Variants in ZNF845 observed in about 807,000 individuals in gnomAD.
ZNF845 encodes zinc finger protein 845.
ZNF845 carries 59 observed loss-of-function variants against 76.1 expected under a neutral mutation model. The observed-to-expected ratio is 0.78, with a 90% CI of 0.63 to 0.96. ZNF845 has a LOEUF of 0.96. Ranked by LOEUF, ZNF845 falls within the 40% of genes least tolerant of loss-of-function variation. ZNF845 has a pLI of 0.00. For missense variants in ZNF845, 1,045 were observed against 1,172.8 expected (o/e 0.89, Z 1.59); for synonymous variants, 361 against 386.9 (o/e 0.93, Z 0.78).
In ZNF845 at chr19:53,354,124, C is replaced by G; in HGVS notation, c.*536C>G. 1.7e-6 allele frequency: 1 copy of G among 598,958 alleles called. No individual in the cohort carries two copies. Among genetic ancestry groups the G allele is most frequent in the Non-Finnish European group, 3.0e-6 (1 of 329,642 alleles). The allele number at this position is 598,958 out of a possible 1,614,324, so 37.1% of individuals were successfully genotyped here. On this transcript the variant is annotated 3_prime_UTR_variant, in exon 4 of 4. Coordinates refer to ENST00000458035, the MANE Select transcript of ZNF845 (RefSeq NM_138374.3). ...TGCAGCAAAGCCTTTACTTCACGTTCACACCTAATTAGACATCAGAGAATC... is the reference window on the plus strand; with the variant it reads ...TGCAGCAAAGCCTTTACTTCACGTTGACACCTAATTAGACATCAGAGAATC...
chr19:53,341,379 C>G (rs371644399), intron 2 of ZNF845, 57 bp downstream of exon 2: 107 of 1,610,274 alleles, frequency 6.6e-5, no homozygotes, highest in Admixed American at 1.3e-4. Context: ...AATCCTGGGC[C>G]TTGGAGTTGG....
Position 53,353,690 on chromosome 19 carries a change from A to G in ZNF845, c.*102A>G. 2.6e-6 allele frequency: 4 copies of G among 1,526,714 alleles called. No homozygotes were observed. The highest frequency in any genetic ancestry group is 3.5e-6 in the Non-Finnish European group (4 of 1,141,580). The allele number at this position is 1,526,714 out of a possible 1,614,324, so 94.6% of individuals were successfully genotyped here. ...GCTTACAAATGTAAGAGTTTGTGAC[A>G]AGAATCTTGGGCGTGATTCACACCT... On this transcript the variant is annotated 3_prime_UTR_variant, in exon 4 of 4. Coordinates refer to ENST00000458035, the MANE Select transcript of ZNF845 (RefSeq NM_138374.3).
chr19:53,350,595 T>A (rs962390565), intron 3 of ZNF845, among the ~76,000 whole-genome samples: 1 of 152,220 alleles, frequency 6.6e-6, no homozygotes, highest in African/African-American at 2.4e-5. Context: ...GTGCTGTCAG[T>A]GTTTTGACAT....
At chr19:53,343,847 G>A (rs2085274372) in intron 2 of ZNF845, among the ~76,000 whole-genome samples, 1 of 151,964 alleles carries the variant, frequency 6.6e-6, no homozygotes, top group African/African-American at 2.4e-5. Context: ...TTGAGACTGG[G>A]TGTCACTGTG....
Position 53,352,825 on chromosome 19 carries a change from A to G in ZNF845, c.2150A>G (p.Lys717Arg). Residue 717 changes from lysine (K) to arginine (R), a missense_variant, in exon 4 of 4, where the codon AAA (lysine) becomes AGA (arginine). Lys to Arg is a conservative substitution (Grantham distance 26). Transcript: ENST00000458035. Reference protein sequence around the residue: ...IIHKAIHTGEKPYKCNECGKA... With the variant: ...IIHKAIHTGERPYKCNECGKA... Reference sequence around the variant, plus strand: ...CACAAGGCAATTCATACTGGAGAGAAACCTTACAAGTGTAATGAGTGTGGC... The same window carrying G: ...CACAAGGCAATTCATACTGGAGAGAGACCTTACAAGTGTAATGAGTGTGGC... 6 of 1,614,114 alleles carry G rather than the reference A, an allele frequency of 3.7e-6. No individual in the cohort carries two copies. The highest frequency in any genetic ancestry group is 5.1e-6 in the Non-Finnish European group (6 of 1,180,002).
intron 3 of ZNF845, among the ~76,000 whole-genome samples, chr19:53,348,786 C>T (rs1249922630): frequency 6.6e-6 from 1 of 151,256 alleles, no homozygotes; most frequent in African/African-American, 2.4e-5. Flanking sequence ...TGCTGTATTG[C>T]CTGGCTGTTT....
At position 53,353,164 on chromosome 19, in the gene ZNF845, C is replaced by T. The variant is rs781517909; in HGVS notation, c.2489C>T (p.Pro830Leu). ...IHKAIHSGEK[P>L]YKCNECGKTF... ...AAGGCAATTCATAGTGGAGAGAAAC[C>T]TTACAAGTGTAATGAGTGTGGCAAG... Residue 830 changes from proline (P) to leucine (L), a missense_variant, in exon 4 of 4, where the codon CCT becomes CTT. Physicochemically the swap from Pro to Leu is moderately conservative, Grantham distance 98. Transcript: ENST00000458035. 1.9e-5 allele frequency: 30 copies of T among 1,612,970 alleles called. No homozygotes were observed. In the Admixed American group the frequency reaches 4.0e-4, roughly 22 times the overall value.
At chr19:53,337,632 A>ACG (rs2085224941) in intron 1 of ZNF845, among the ~76,000 whole-genome samples, 3 of 151,970 alleles carry the variant, frequency 2.0e-5, no homozygotes, top group African/African-American at 7.3e-5. Context: ...GCAGTGGCGT[A>ACG]ATCATGGTTC....
intron 3 of ZNF845, 130 bp from the exon 4 acceptor site, chr19:53,350,688 G>A (rs928148538): frequency 1.2e-4 from 154 of 1,244,192 alleles, no homozygotes; most frequent in Middle Eastern, 4.2e-4. Context: ...ACCCTTTTGC[G>A]TTCCTAAACT....
chr19:53,343,138 T>C (rs1365173655), intron 2 of ZNF845, among the ~76,000 whole-genome samples: 2 of 152,150 alleles, frequency 1.3e-5, no homozygotes, highest in Admixed American at 6.6e-5. Context: ...TATTTTCTTC[T>C]AGTCCTCTCC....
chr19:53,350,672 A>G, intron 3 of ZNF845, 146 bp from the exon 4 acceptor site: 2 of 1,084,610 alleles, frequency 1.8e-6, no homozygotes, highest in Admixed American at 3.0e-5. Flanking sequence ...TTTATTGATG[A>G]ATCTTACCCT....
rs145609257 is a variant in ZNF845, at chr19:53,350,309, A to G, written c.143-509A>G. ...CCACCACGCCTTGCTTAATTTTGTA[A>G]TGTTTTCTTATCTTCTCAGTGCTAT... On this transcript the variant is annotated intron_variant, in intron 3 of 3. Transcript: ENST00000458035. Among the ~76,000 whole-genome samples the G allele has an allele frequency of 3.3e-5, 5 of 152,086 alleles. No individual in the cohort carries two copies. The East Asian group carries it at 7.8e-4, about 24-fold the overall frequency.
At position 53,352,146 on chromosome 19, in the gene ZNF845, G is replaced by A; in HGVS notation, c.1471G>A (p.Gly491Arg). The change falls in exon 4 of 4, where the codon GGA becomes AGA. Residue 491 changes from glycine (G) to arginine (R), a missense_variant. Gly to Arg is a moderately radical substitution (Grantham distance 125). Transcript: ENST00000458035. ...SLVYHRRLHT[G>R]EKPYKCEECD... ...TGTATACCATCGTAGACTTCATACT[G>A]GAGAGAAACCTTACAAATGTGAAGA... is the stretch of plus-strand genomic sequence containing the variant. The A allele has an allele frequency of 1.2e-6, 2 of 1,613,990 alleles. No homozygotes were observed. Among genetic ancestry groups the A allele is most frequent in the Non-Finnish European group, 1.7e-6 (2 of 1,179,944 alleles).
intron 3 of ZNF845, among the ~76,000 whole-genome samples, chr19:53,347,728 T>C (rs940309405): frequency 6.6e-6 from 1 of 152,242 alleles, no homozygotes; most frequent in Non-Finnish European, 1.5e-5. Context: ...TTCCTGTTCC[T>C]GTCTCAGTCA....
At chr19:53,338,722 GCA>G (rs796073363) in intron 1 of ZNF845, among the ~76,000 whole-genome samples, 22,374 of 124,506 alleles carry the variant, frequency 0.18, 2,006 homozygotes, top group Middle Eastern at 0.23. Context: ...ACACACACAC[GCA>G]CACACACACT....
At chr19:53,345,782 A>C in intron 3 of ZNF845, 150 bp downstream of exon 3, 2 of 1,491,606 alleles carry the variant, frequency 1.3e-6, no homozygotes, top group East Asian at 2.3e-5. Flanking sequence ...TCCTGGGCTC[A>C]TGTGATTGTC....
At chr19:53,336,191 G>T (rs576706180) in intron 1 of ZNF845, among the ~76,000 whole-genome samples, 1 of 143,322 alleles carries the variant, frequency 7.0e-6, no homozygotes, top group African/African-American at 2.6e-5. Context: ...CATCCTGGGC[G>T]AGAGCGAGAC....
At chr19:53,342,901 C>G (rs937595369) in intron 2 of ZNF845, among the ~76,000 whole-genome samples, 4 of 152,088 alleles carry the variant, frequency 2.6e-5, no homozygotes, top group African/African-American at 9.7e-5. Context: ...TCACTGCAAC[C>G]ACTGCCTCCC....
intron 1 of ZNF845, among the ~76,000 whole-genome samples, chr19:53,339,945 C>T (rs1021173761): frequency 1.6e-4 from 24 of 152,146 alleles, no homozygotes; most frequent in Admixed American, 3.9e-4. Flanking sequence ...TGCAGTGGTG[C>T]GATCTTGGCT....
Sources: gnomAD v4.1 joint callset for allele counts (sites outside exome capture counted in the v4.1 genomes callset) on GRCh38, gnomAD v4.1.1 for gene constraint, MANE v1.5 for transcripts, NCBI Gene and HGNC (gene_info 2026-07-23, HGNC 2026-07-21) for gene names.